GALNT2: variants seen among roughly 807,000 people sequenced by gnomAD.
GALNT2 encodes the protein polypeptide N-acetylgalactosaminyltransferase 2, also known as UDP-GalNAc:polypeptide N-acetylgalactosaminyltransferase 2.
In GALNT2, 31 loss-of-function variants were observed where a neutral mutation model predicts 81.4. The observed-to-expected ratio is 0.38, with a 90% CI of 0.29 to 0.51. The LOEUF is 0.51. GALNT2 is among the 20% of genes least tolerant of loss of function. GALNT2 has a pLI of 0.87. For missense variants in GALNT2, 629 were observed against 765.7 expected (o/e 0.82, Z 2.11); for synonymous variants, 303 against 287.4 (o/e 1.05, Z -0.55).
rs77091524 is a variant in GALNT2 at position 230,070,629 on chromosome 1, C to A, written c.126+3223C>A. On this transcript the variant is annotated intron_variant, in intron 1 of 15. Coordinates refer to ENST00000366672, the MANE Select transcript of GALNT2 (RefSeq NM_004481.5). The surrounding 1 kb of genome is among the most constrained non-coding windows in gnomAD (Gnocchi z 4.7). ...ATCACCCTTATTCCCTGAGCTGGCA[C>A]GAGTCCTGTGGCCCTTGCCCGAGAG... is the stretch of plus-strand genomic sequence containing the variant. Among the ~76,000 whole-genome samples, 876 of 151,582 alleles carry A rather than the reference C, an allele frequency of 5.8e-3. 8 individuals carry two copies. Among genetic ancestry groups the A allele is most frequent in the African/African-American group, 0.02 (845 of 41,384 alleles).
intron 3 of GALNT2, among the ~76,000 whole-genome samples, chr1:230,234,539 C>T (rs533100514): frequency 6.6e-6 from 1 of 152,210 alleles, no homozygotes. Flanking sequence ...ACAGGCCCCT[C>T]TTGCCGCCTC....
At chr1:230,076,395 C>G (rs1659556185) in intron 1 of GALNT2, among the ~76,000 whole-genome samples, 1 of 152,150 alleles carries the variant, frequency 6.6e-6, no homozygotes, top group African/African-American at 2.4e-5. Context: ...CCCTGTGCAC[C>G]TTTTCCAGCA....
chr1:230,235,869 G>T, intron 3 of GALNT2, 145 bp from the exon 4 acceptor site: 1 of 675,256 alleles, frequency 1.5e-6, no homozygotes, highest in South Asian at 1.9e-5. Context: ...GTTCATCTCA[G>T]AACAGGCCAG....
At chr1:230,267,765 G>T (rs1264947219) in intron 14 of GALNT2, among the ~76,000 whole-genome samples, 2 of 152,198 alleles carry the variant, frequency 1.3e-5, no homozygotes, top group Non-Finnish European at 2.9e-5. Flanking sequence ...TATTGGTGGG[G>T]TGGGCAGAGG....
At chr1:230,184,725 T>A (rs1371553798) in intron 2 of GALNT2, among the ~76,000 whole-genome samples, 2 of 152,174 alleles carry the variant, frequency 1.3e-5, no homozygotes, top group Non-Finnish European at 2.9e-5. Flanking sequence ...TTGGAGCCTT[T>A]ATACTATTCT....
chr1:230,273,816 A>ACATAGC (rs1666213778), intron 14 of GALNT2, among the ~76,000 whole-genome samples: 1 of 152,140 alleles, frequency 6.6e-6, no homozygotes, highest in South Asian at 2.1e-4. Flanking sequence ...AATGCTTGGC[A>ACATAGC]CATAGCACCC....
At chr1:230,260,479 A>T (rs572712774) in intron 11 of GALNT2, among the ~76,000 whole-genome samples, 1 of 152,342 alleles carries the variant, frequency 6.6e-6, no homozygotes, top group African/African-American at 2.4e-5. Flanking sequence ...TTAGTCACTT[A>T]AAAACTTGAG....
At chr1:230,213,985 C>A (rs1006776300) in intron 3 of GALNT2, among the ~76,000 whole-genome samples, 1 of 152,104 alleles carries the variant, frequency 6.6e-6, no homozygotes, top group African/African-American at 2.4e-5. Context: ...CCCATTGCTC[C>A]TCATTTCTTA....
In GALNT2 at chr1:230,275,513, TAC is replaced by T. The variant is rs1032626027; in HGVS notation, c.1560+951_1560+952del. Among the ~76,000 whole-genome samples, 5 of 150,792 alleles carry T rather than the reference TAC, an allele frequency of 3.3e-5. No individual in the cohort carries two copies. The highest frequency in any genetic ancestry group is 1.2e-4 in the African/African-American group (5 of 40,962). On this transcript the variant is annotated intron_variant, in intron 15 of 15. Coordinates refer to ENST00000366672, the MANE Select transcript of GALNT2 (RefSeq NM_004481.5). This position sits in a 1 kb window ranked among gnomAD's most constrained non-coding sequence, Gnocchi z 5.5. The stretch of plus-strand genomic sequence containing the variant: ...TATACACACACACACCACAGATACA[TAC>T]ATATATATACATGCCACATAGATAT...
intron 6 of GALNT2, among the ~76,000 whole-genome samples, chr1:230,241,903 G>A (rs998210045): frequency 6.6e-6 from 1 of 152,330 alleles, no homozygotes; most frequent in Non-Finnish European, 1.5e-5. Flanking sequence ...GCAGTAGATA[G>A]CAGCTGAAAC....
chr1:230,146,915 C>T (rs1433453313), intron 1 of GALNT2, among the ~76,000 whole-genome samples: 3 of 152,170 alleles, frequency 2.0e-5, no homozygotes, highest in African/African-American at 7.2e-5. Flanking sequence ...CTGGCTACCG[C>T]CTGCACTGTC....
intron 1 of GALNT2, among the ~76,000 whole-genome samples, chr1:230,142,637 G>C (rs1661781543): frequency 6.6e-6 from 1 of 152,122 alleles, no homozygotes; most frequent in African/African-American, 2.4e-5. Flanking sequence ...GAACATTATG[G>C]GTAAAAATAC....
intron 1 of GALNT2, among the ~76,000 whole-genome samples, chr1:230,158,409 T>C (rs1662327675): frequency 6.6e-6 from 1 of 152,220 alleles, no homozygotes. Context: ...AACTAAGGCA[T>C]GAAAACATTA....
intron 1 of GALNT2, among the ~76,000 whole-genome samples, chr1:230,092,185 T>TGTTTTTTTTTTTTTTTG (rs371156205): frequency 8.8e-6 from 1 of 114,280 alleles, no homozygotes; most frequent in Non-Finnish European, 1.8e-5. Flanking sequence ...AGTTTTTTTT[T>TGTTTTTTTTTTTTTTTG]TTTTTTTTTT....
chr1:230,130,232 TA>T (rs1273962314), intron 1 of GALNT2, among the ~76,000 whole-genome samples: 2 of 152,234 alleles, frequency 1.3e-5, no homozygotes, highest in Non-Finnish European at 2.9e-5. Flanking sequence ...TAAACCTCTC[TA>T]ATTGCCTCAC....
chr1:230,263,080 G>A, intron 13 of GALNT2, 75 bp downstream of exon 13: 5 of 1,244,984 alleles, frequency 4.0e-6, no homozygotes, highest in Non-Finnish European at 4.7e-6. Flanking sequence ...CAGCAGAGGG[G>A]AAATGGAGGT....
chr1:230,217,143 AAAAT>A (rs1363945415), intron 3 of GALNT2, among the ~76,000 whole-genome samples: 1 of 152,228 alleles, frequency 6.6e-6, no homozygotes, highest in Non-Finnish European at 1.5e-5. Flanking sequence ...AGAAAACAAT[AAAAT>A]AAATCATTAA....
In GALNT2 at chr1:230,134,875, A is replaced by C. The variant is rs186028141; in HGVS notation, c.127-43343A>C. Among the ~76,000 whole-genome samples, 142 of 152,296 alleles carry C rather than the reference A, an allele frequency of 9.3e-4. 2 individuals are homozygous for C. In the South Asian group the frequency reaches 0.017, roughly 18 times the overall value. ...ATCCAAGGCCAGTCTTGGTGCTACC[A>C]CTTGCTTAGACAAATCACTGAGTTG... On this transcript the variant is annotated intron_variant, in intron 1 of 15. Transcript: ENST00000366672.
At chr1:230,236,143 G>A in intron 4 of GALNT2, 31 bp downstream of exon 4, 1 of 1,598,966 alleles carries the variant, frequency 6.3e-7, no homozygotes. Context: ...ACCTGTCAGG[G>A]GTGTTAAGAC....
Sources: gnomAD v4.1 joint callset for allele counts (sites outside exome capture counted in the v4.1 genomes callset) on GRCh38, gnomAD v4.1.1 for gene constraint, Gnocchi (gnomAD v3.1) non-coding constraint, MANE v1.5 for transcripts, NCBI Gene and HGNC (gene_info 2026-07-23, HGNC 2026-07-21) for gene names.